PTPRD: variants seen among roughly 807,000 people sequenced by gnomAD.
PTPRD encodes the protein protein tyrosine phosphatase receptor type D.
In PTPRD, 34 loss-of-function variants were observed where a neutral mutation model predicts 214.5. That is an observed-to-expected ratio of 0.16 (90% confidence interval 0.12 to 0.21). The LOEUF is 0.21. Among genes scored for constraint, PTPRD ranks in the 10% least tolerant of loss-of-function variants. The pLI is 1.00. For missense variants in PTPRD, 2,545 were observed against 2,398.7 expected (o/e 1.06, Z -1.27); for synonymous variants, 1,128 against 845.7 (o/e 1.33, Z -5.79).
chr9:10,077,272 T>A (rs1367823567), intron 3 of PTPRD, among the ~76,000 whole-genome samples: 1 of 152,114 alleles, frequency 6.6e-6, no homozygotes, highest in Non-Finnish European at 1.5e-5. Flanking sequence ...CATCTAAACA[T>A]GTTACTTTTC....
intron 3 of PTPRD, among the ~76,000 whole-genome samples, chr9:10,167,302 G>C (rs1361087607): frequency 6.6e-6 from 1 of 151,968 alleles, no homozygotes; most frequent in Non-Finnish European, 1.5e-5. Flanking sequence ...GCTGGTGCTG[G>C]AGATTTTTGG....
chr9:10,464,753 A>G (rs1001389865), intron 2 of PTPRD, among the ~76,000 whole-genome samples: 6 of 152,158 alleles, frequency 3.9e-5, no homozygotes, highest in African/African-American at 1.2e-4. Flanking sequence ...TGTAACCCAG[A>G]GATAAAAGGA....
chr9:9,369,412 G>C (rs552399200), intron 9 of PTPRD, among the ~76,000 whole-genome samples: 3 of 152,092 alleles, frequency 2.0e-5, no homozygotes, highest in Non-Finnish European at 4.4e-5. Flanking sequence ...GTCTTCTTTT[G>C]AGAAGTGTCT....
chr9:8,550,284 C>G (rs950717239), intron 14 of PTPRD, among the ~76,000 whole-genome samples: 1 of 151,986 alleles, frequency 6.6e-6, no homozygotes, highest in East Asian at 1.9e-4. Context: ...ATGGTACCTC[C>G]CAAATTTGAA....
chr9:9,439,383 T>G (rs527492931), intron 8 of PTPRD, among the ~76,000 whole-genome samples: 72 of 152,120 alleles, frequency 4.7e-4, no homozygotes, highest in Non-Finnish European at 8.2e-4. Flanking sequence ...GGATCAGGAG[T>G]CTTAGGTCTT....
intron 11 of PTPRD, among the ~76,000 whole-genome samples, chr9:8,791,848 C>T (rs766206886): frequency 6.6e-6 from 1 of 151,962 alleles, no homozygotes; most frequent in African/African-American, 2.4e-5. Context: ...GGGAACATTT[C>T]AAAATGATCA....
At chr9:9,237,096 A>C (rs2099967297) in intron 9 of PTPRD, among the ~76,000 whole-genome samples, 2 of 152,212 alleles carry the variant, frequency 1.3e-5, no homozygotes, top group African/African-American at 4.8e-5. Flanking sequence ...CAATTTATTA[A>C]AACATCACAA....
At chr9:8,848,597 G>C (rs1037678373) in intron 11 of PTPRD, among the ~76,000 whole-genome samples, 1 of 148,290 alleles carries the variant, frequency 6.7e-6, no homozygotes, top group Non-Finnish European at 1.5e-5. Flanking sequence ...CTCCTGTCTT[G>C]GCCTCCAACA....
At chr9:9,081,885 G>A (rs150914028) in intron 10 of PTPRD, among the ~76,000 whole-genome samples, 4 of 149,134 alleles carry the variant, frequency 2.7e-5, no homozygotes, top group Non-Finnish European at 4.4e-5. Context: ...TATTTTGAGC[G>A]TATGTGTGTC....
At chr9:9,322,411 G>A (rs1966886128) in intron 9 of PTPRD, among the ~76,000 whole-genome samples, 1 of 152,160 alleles carries the variant, frequency 6.6e-6, no homozygotes, top group African/African-American at 2.4e-5. Flanking sequence ...CTAAAGTCCA[G>A]AGAGTTTAAA....
chr9:10,598,769 C>T (rs1464966080), intron 2 of PTPRD, among the ~76,000 whole-genome samples: 1 of 144,880 alleles, frequency 6.9e-6, no homozygotes, highest in South Asian at 2.2e-4. Flanking sequence ...GGTAGAAAAT[C>T]CAAACTAGAG....
intron 7 of PTPRD, among the ~76,000 whole-genome samples, chr9:9,711,468 A>G (rs1479475750): frequency 6.6e-6 from 1 of 152,200 alleles, no homozygotes; most frequent in Non-Finnish European, 1.5e-5. Context: ...TAACAAAAAC[A>G]GGCTAAAATA....
intron 2 of PTPRD, among the ~76,000 whole-genome samples, chr9:10,597,614 G>A (rs376460220): frequency 7.3e-5 from 11 of 151,668 alleles, no homozygotes; most frequent in African/African-American, 1.9e-4. Context: ...TTTAATTAAC[G>A]CATTCTGCAC....
chr9:10,467,093 G>C (rs1384540239), intron 2 of PTPRD, among the ~76,000 whole-genome samples: 1 of 152,146 alleles, frequency 6.6e-6, no homozygotes, highest in Non-Finnish European at 1.5e-5. Flanking sequence ...AGAAGACATT[G>C]CCAGTTGTTT....
At chr9:8,711,548 A>G (rs2098332662) in intron 12 of PTPRD, among the ~76,000 whole-genome samples, 1 of 152,176 alleles carries the variant, frequency 6.6e-6, no homozygotes, top group South Asian at 2.1e-4. Flanking sequence ...AAACCCTTCG[A>G]GAGCTCATTT....
intron 5 of PTPRD, among the ~76,000 whole-genome samples, chr9:9,837,623 T>TAGGCACATATG (rs1277163023): frequency 6.6e-6 from 1 of 152,116 alleles, no homozygotes; most frequent in Non-Finnish European, 1.5e-5. Flanking sequence ...GAAATTAATC[T>TAGGCACATATG]AGGCACATAT....
intron 2 of PTPRD, among the ~76,000 whole-genome samples, chr9:10,511,570 T>C (rs1022484640): frequency 6.5e-5 from 2 of 30,752 alleles, no homozygotes; most frequent in Admixed American, 2.2e-4. Flanking sequence ...CACCCTGGTA[T>C]TTTTTTTTTT....
At chr9:8,723,123 A>G (rs374294099) in intron 12 of PTPRD, among the ~76,000 whole-genome samples, 11 of 152,094 alleles carry the variant, frequency 7.2e-5, no homozygotes, top group African/African-American at 2.7e-4. Flanking sequence ...AACCCTTTAT[A>G]CGACCTCCAG....
At chr9:10,016,908 T>C (rs1205382821) in intron 4 of PTPRD, among the ~76,000 whole-genome samples, 1 of 152,184 alleles carries the variant, frequency 6.6e-6, no homozygotes, top group African/African-American at 2.4e-5. Flanking sequence ...CAAGAGATTC[T>C]CCTGCTTTGG....
Sources: gnomAD v4.1 joint callset for allele counts (sites outside exome capture counted in the v4.1 genomes callset) on GRCh38, gnomAD v4.1.1 for gene constraint, MANE v1.5 for transcripts, NCBI Gene and HGNC (gene_info 2026-07-23, HGNC 2026-07-21) for gene names.